Variants in CLVS1 observed in about 807,000 individuals in gnomAD.
CLVS1 encodes the protein clavesin 1, also known as clavesin-1.
CLVS1 carries 10 observed loss-of-function variants against 33.1 expected under a neutral mutation model. The ratio of observed to expected loss-of-function variants is 0.30; its 90% CI spans 0.19 to 0.51. The LOEUF (loss-of-function observed/expected upper bound fraction) is 0.51. Among genes scored for constraint, CLVS1 ranks in the 20% least tolerant of loss-of-function variants. CLVS1 has a pLI of 0.97. For synonymous variants in CLVS1, 163 were observed against 166.1 expected, an observed-to-expected ratio of 0.98 and a Z score of 0.14; for missense variants, 343 against 433.4, an observed-to-expected ratio of 0.79 and a Z score of 1.85.
chr8:61,381,048 C>T (rs1347325155), intron 3 of CLVS1, among the ~76,000 whole-genome samples: 2 of 151,932 alleles, frequency 1.3e-5, no homozygotes, highest in African/African-American at 2.4e-5. Flanking sequence ...ATCCAGAAAG[C>T]TATCTATTTT....
intron 2 of CLVS1, among the ~76,000 whole-genome samples, chr8:61,195,376 C>A (rs529042151): frequency 6.6e-6 from 1 of 151,662 alleles, no homozygotes; most frequent in South Asian, 2.1e-4. Context: ...ACATTTTCTC[C>A]CACTTTTAAA....
intron 2 of CLVS1, among the ~76,000 whole-genome samples, chr8:61,266,564 G>A (rs185522145): frequency 1.9e-4 from 29 of 152,122 alleles, no homozygotes; most frequent in African/African-American, 6.3e-4. Flanking sequence ...TTTGGATCCT[G>A]TTGAAATCCT....
chr8:61,404,561 G>T (rs542913785), intron 3 of CLVS1, among the ~76,000 whole-genome samples: 2 of 152,226 alleles, frequency 1.3e-5, no homozygotes, highest in South Asian at 4.1e-4. Flanking sequence ...GTAGGAAACA[G>T]TTTTTCAAAA....
At position 61,298,228 on chromosome 8, in the gene CLVS1, T is replaced by G. The variant is rs555501320; in HGVS notation, c.-151-1449T>G. Among the ~76,000 whole-genome samples, 18 of 152,244 alleles carry G rather than the reference T, an allele frequency of 1.2e-4. No homozygotes were observed. In the South Asian group the frequency reaches 3.5e-3, roughly 30 times the overall value. ...CAGGTGGGCATTGAGCTAGATAGAT[T>G]TTGAAACTTCTTACAATTCTGGGAA... On this transcript the variant is annotated intron_variant, in intron 1 of 5. Coordinates refer to ENST00000325897, the MANE Select transcript of CLVS1 (RefSeq NM_173519.3).
chr8:61,348,218 T>C (rs1458628039), intron 2 of CLVS1, among the ~76,000 whole-genome samples: 1 of 151,882 alleles, frequency 6.6e-6, no homozygotes, highest in Non-Finnish European at 1.5e-5. Context: ...GCAATATTTG[T>C]CTTTCTGTGT....
At chr8:61,374,745 A>AT (rs990108707) in intron 2 of CLVS1, among the ~76,000 whole-genome samples, 3 of 152,046 alleles carry the variant, frequency 2.0e-5, no homozygotes, top group Admixed American at 6.5e-5. Context: ...TAAAGTTACA[A>AT]TTTTTTTTAA....
In CLVS1 at chr8:61,346,695, C is replaced by A. The variant is rs144726922; in HGVS notation, c.456-29910C>A. ...TTCATTTGACAAACACTGAGCCCCT[C>A]CCTGTGTAAGGCATGGTGCCAAGAG... On this transcript the variant is annotated intron_variant, in intron 2 of 5. Transcript: ENST00000325897. 4.9e-3 allele frequency among the ~76,000 whole-genome samples: 744 copies of A among 152,272 alleles called. 7 individuals are homozygous for A. The highest frequency in any genetic ancestry group is 0.017 in the African/African-American group (704 of 41,574).
At chr8:61,267,493 C>T (rs1216656492) in intron 2 of CLVS1, among the ~76,000 whole-genome samples, 1 of 152,172 alleles carries the variant, frequency 6.6e-6, no homozygotes, top group Non-Finnish European at 1.5e-5. Context: ...ATATCAGTCA[C>T]ATTTAGCCTC....
At chr8:61,425,984 G>T (rs1815877011) in intron 3 of CLVS1, among the ~76,000 whole-genome samples, 1 of 152,172 alleles carries the variant, frequency 6.6e-6, no homozygotes, top group Non-Finnish European at 1.5e-5. Context: ...CTTTAGAGCT[G>T]TAATTACACT....
intron 3 of CLVS1, among the ~76,000 whole-genome samples, chr8:61,404,157 C>A (rs1050263650): frequency 2.0e-5 from 3 of 152,240 alleles, no homozygotes; most frequent in Middle Eastern, 3.4e-3. Context: ...GAAGGTCAGG[C>A]TCCTCTGGAA....
the CLVS1 span, among the ~76,000 whole-genome samples, chr8:60,973,964 C>T: frequency 3.9e-5 from 6 of 152,110 alleles, no homozygotes; most frequent in African/African-American, 1.4e-4. Context: ...TATTTTTATT[C>T]TTTTGATTTG....
At chr8:61,282,496 G>A (rs1809692229) in intron 2 of CLVS1, among the ~76,000 whole-genome samples, 1 of 152,198 alleles carries the variant, frequency 6.6e-6, no homozygotes, top group African/African-American at 2.4e-5. Flanking sequence ...AGAACAGTGG[G>A]TTGGAGCATT....
the CLVS1 span, among the ~76,000 whole-genome samples, chr8:60,985,210 G>A: frequency 1.3e-5 from 2 of 152,286 alleles, no homozygotes; most frequent in South Asian, 2.1e-4. Context: ...TAAAAGGTTC[G>A]ACTCAGAGAC....
the CLVS1 span, among the ~76,000 whole-genome samples, chr8:60,987,116 A>T: frequency 2.6e-5 from 4 of 152,206 alleles, no homozygotes; most frequent in Non-Finnish European, 5.9e-5. Context: ...TTCTAAGACA[A>T]AGCAGATGAT....
chr8:61,185,506 A>C (rs1807328935), intron 2 of CLVS1, among the ~76,000 whole-genome samples: 1 of 152,046 alleles, frequency 6.6e-6, no homozygotes. Context: ...ATGCAGCCTA[A>C]TATTTTTTAC....
intron 2 of CLVS1, among the ~76,000 whole-genome samples, chr8:61,302,249 G>C (rs918857737): frequency 6.6e-6 from 1 of 152,132 alleles, no homozygotes; most frequent in Non-Finnish European, 1.5e-5. Context: ...CTACCTTTCC[G>C]TGTTTCTACT....
chr8:61,260,312 G>A (rs1450804128), intron 2 of CLVS1, among the ~76,000 whole-genome samples: 4 of 152,140 alleles, frequency 2.6e-5, no homozygotes, highest in East Asian at 3.8e-4. Flanking sequence ...CCTTAACTAC[G>A]TCTATAACAT....
At chr8:61,071,354 C>T (rs1804793422) in intron 1 of CLVS1, among the ~76,000 whole-genome samples, 2 of 152,208 alleles carry the variant, frequency 1.3e-5, no homozygotes, top group African/African-American at 4.8e-5. Context: ...ATCAGTTTCC[C>T]TGACTTTTGT....
chr8:61,437,553 G>T (rs1002054377), intron 3 of CLVS1, among the ~76,000 whole-genome samples: 1 of 152,138 alleles, frequency 6.6e-6, no homozygotes, highest in African/African-American at 2.4e-5. Flanking sequence ...ACAGAATAAG[G>T]CAATTTATAA....
Sources: allele counts gnomAD v4.1 joint callset (sites outside exome capture counted in the v4.1 genomes callset), GRCh38; gene constraint gnomAD v4.1.1; transcripts MANE v1.5; gene names NCBI Gene and HGNC (gene_info 2026-07-23, HGNC 2026-07-21).